The following LHFPL2 variants were observed in gnomAD, a reference collection of about 807,000 sequenced individuals.
LHFPL2 encodes LHFPL tetraspan subfamily member 2 protein.
In LHFPL2, 7 loss-of-function variants were observed where a neutral mutation model predicts 17.5. The ratio of observed to expected loss-of-function variants is 0.40; its 90% confidence interval spans 0.23 to 0.75. The LOEUF (loss-of-function observed/expected upper bound fraction) is 0.75. LHFPL2 is among the 30% of genes least tolerant of loss of function. LHFPL2 has a pLI of 0.37. For missense variants in LHFPL2, 241 were observed against 294.8 expected (o/e 0.82, Z 1.34); for synonymous variants, 134 against 116.2 (o/e 1.15, Z -0.99).
chr5:78,545,414 A>G (rs1756242307), intron 3 of LHFPL2, among the ~76,000 whole-genome samples: 1 of 152,210 alleles, frequency 6.6e-6, no homozygotes, highest in Admixed American at 6.5e-5. Context: ...CACTTGGGAA[A>G]GAAAATGAAC....
At chr5:78,558,387 AG>A (rs1756637826) in intron 3 of LHFPL2, among the ~76,000 whole-genome samples, 1 of 152,240 alleles carries the variant, frequency 6.6e-6, no homozygotes, top group Non-Finnish European at 1.5e-5. Context: ...TTTCTCAGGA[AG>A]GATCAGGAGG....
chr5:78,579,168 T>C (rs539983189), intron 2 of LHFPL2, among the ~76,000 whole-genome samples: 8 of 152,238 alleles, frequency 5.3e-5, no homozygotes, highest in Admixed American at 5.2e-4. Context: ...TGACCTACAA[T>C]AAGGTGACCC....
chr5:78,623,707 C>T lies in LHFPL2; in HGVS notation c.-245+8557G>A, dbSNP rs116263568. Among the ~76,000 whole-genome samples the T allele has an allele frequency of 5.6e-3, 859 of 152,310 alleles. 12 individuals are homozygous for T. Among genetic ancestry groups the T allele is most frequent in the African/African-American group, 0.02 (823 of 41,554 alleles). On this transcript the variant is annotated intron_variant, in intron 2 of 4. Coordinates refer to ENST00000380345, the MANE Select transcript of LHFPL2 (RefSeq NM_005779.3). The stretch of plus-strand genomic sequence containing the variant: ...GAAGAGAATAATCAAGTTTTCCCCA[C>T]ATGTAAATGAATGAATGAAACTAGA...
chr5:78,558,007 T>C (rs867237981), intron 3 of LHFPL2, among the ~76,000 whole-genome samples: 1 of 152,210 alleles, frequency 6.6e-6, no homozygotes, highest in South Asian at 2.1e-4. Context: ...AGAGATTAAA[T>C]CAATATTTAA....
chr5:78,636,161 G>C (rs1207632668), intron 1 of LHFPL2, among the ~76,000 whole-genome samples: 1 of 152,078 alleles, frequency 6.6e-6, no homozygotes, highest in African/African-American at 2.4e-5. Flanking sequence ...TGCCCTCCTT[G>C]AAGAGTGCCC....
chr5:78,635,460 T>C (rs532212576), intron 1 of LHFPL2, among the ~76,000 whole-genome samples: 14 of 152,306 alleles, frequency 9.2e-5, no homozygotes, highest in Admixed American at 8.5e-4. Flanking sequence ...AAATGGATCA[T>C]TTTCCAAGTC....
At chr5:78,531,517 T>C (rs764195094) in intron 3 of LHFPL2, among the ~76,000 whole-genome samples, 3 of 152,168 alleles carry the variant, frequency 2.0e-5, no homozygotes, top group Admixed American at 6.5e-5. Flanking sequence ...GGTTCCACTA[T>C]GGCACTGCTA....
At chr5:78,584,003 A>T (rs1743264032) in intron 2 of LHFPL2, among the ~76,000 whole-genome samples, 1 of 151,642 alleles carries the variant, frequency 6.6e-6, no homozygotes, top group African/African-American at 2.4e-5. Context: ...TTTTTCTCTA[A>T]ACTTCCCTTC....
At position 78,487,116 on chromosome 5, in the gene LHFPL2, G is replaced by C. The variant is rs1323027942; in HGVS notation, c.*1781C>G. On this transcript the variant is annotated 3_prime_UTR_variant, in exon 5 of 5. Coordinates refer to ENST00000380345, the MANE Select transcript of LHFPL2 (RefSeq NM_005779.3). ...ACAGGATTTACATCTCACTCACTTT[G>C]AATTTTGGTTCAGGAATGGGAAACT... 6.6e-6 allele frequency: 1 copy of C among 152,046 alleles called. No individual in the cohort carries two copies. The highest frequency in any genetic ancestry group is 1.5e-5 in the Non-Finnish European group (1 of 68,016). The allele number at this position is 152,046 out of a possible 1,614,324, so 9.4% of individuals were successfully genotyped here.
chr5:78,509,306 T>TG (rs1418158643), intron 4 of LHFPL2, among the ~76,000 whole-genome samples: 1 of 152,184 alleles, frequency 6.6e-6, no homozygotes, highest in Non-Finnish European at 1.5e-5. Context: ...TGAAATCATC[T>TG]GGGGGCTGGA....
chr5:78,498,110 G>A (rs962942572), intron 4 of LHFPL2, among the ~76,000 whole-genome samples: 1 of 152,176 alleles, frequency 6.6e-6, no homozygotes, highest in African/African-American at 2.4e-5. Context: ...GACCACTTGT[G>A]AAAGAGGCAG....
At chr5:78,595,485 G>C (rs1743791043) in intron 2 of LHFPL2, among the ~76,000 whole-genome samples, 1 of 152,158 alleles carries the variant, frequency 6.6e-6, no homozygotes, top group Admixed American at 6.5e-5. Flanking sequence ...GTTTCTAGCT[G>C]TTCAGGACCA....
At chr5:78,634,041 A>G (rs766615825) in intron 1 of LHFPL2, among the ~76,000 whole-genome samples, 9 of 152,232 alleles carry the variant, frequency 5.9e-5, no homozygotes, top group Non-Finnish European at 1.0e-4. Flanking sequence ...TTCAGGATTC[A>G]GAAGAGCCCA....
At chr5:78,489,985 G>A (rs554718369) in intron 4 of LHFPL2, among the ~76,000 whole-genome samples, 1 of 152,222 alleles carries the variant, frequency 6.6e-6, no homozygotes, top group East Asian at 1.9e-4. Flanking sequence ...CAAGGGCCAC[G>A]AGGGAGACCA....
At chr5:78,583,698 C>G (rs1386298131) in intron 2 of LHFPL2, among the ~76,000 whole-genome samples, 5 of 152,040 alleles carry the variant, frequency 3.3e-5, no homozygotes, top group African/African-American at 9.7e-5. Context: ...CAACCTTTCT[C>G]TCTGGCTGCC....
chr5:78,544,446 T>C (rs1756207272), intron 3 of LHFPL2, among the ~76,000 whole-genome samples: 1 of 152,082 alleles, frequency 6.6e-6, no homozygotes, highest in Non-Finnish European at 1.5e-5. Context: ...ATTGACATAG[T>C]AGGGGACAGG....
intron 1 of LHFPL2, among the ~76,000 whole-genome samples, chr5:78,635,439 G>C (rs934443635): frequency 1.3e-5 from 2 of 152,226 alleles, no homozygotes; most frequent in African/African-American, 4.8e-5. Flanking sequence ...CACCTGCTAA[G>C]CAGGTACAGA....
chr5:78,526,825 G>A (rs925565444), intron 3 of LHFPL2, among the ~76,000 whole-genome samples: 1 of 152,144 alleles, frequency 6.6e-6, no homozygotes, highest in East Asian at 1.9e-4. Context: ...AGGCTACACA[G>A]CACCCTCCAT....
chr5:78,503,896 T>C (rs912423149), intron 4 of LHFPL2, among the ~76,000 whole-genome samples: 4 of 152,200 alleles, frequency 2.6e-5, no homozygotes, highest in Admixed American at 2.6e-4. Flanking sequence ...TAATACAGCC[T>C]GGAAGCAGAA....
Sources: gnomAD v4.1 joint callset for allele counts (sites outside exome capture counted in the v4.1 genomes callset) on GRCh38, gnomAD v4.1.1 for gene constraint, MANE v1.5 for transcripts, NCBI Gene and HGNC (gene_info 2026-07-23, HGNC 2026-07-21) for gene names.